The following CENPE variants were observed in gnomAD, a reference collection of about 807,000 sequenced individuals.
The protein encoded by CENPE is centromere-associated protein E.
In CENPE, 145 loss-of-function variants were observed where a neutral mutation model predicts 336.1. The ratio of observed to expected loss-of-function variants is 0.43; its 90% CI spans 0.38 to 0.50. The LOEUF (loss-of-function observed/expected upper bound fraction) is 0.50, where lower values mean the gene tolerates loss of function less well. Ranked by LOEUF, CENPE falls within the 20% of genes least tolerant of loss-of-function variation. The probability of loss-of-function intolerance (pLI) is 0.00; values close to 1 mark genes in which losing one functional copy is unlikely to be tolerated. For synonymous variants in CENPE, 1,013 were observed against 984.8 expected (o/e 1.03, Z -0.54); for missense variants, 2,719 against 3,023.3 (o/e 0.90, Z 2.36).
At chr4:103,134,635 CAAAAA>C (rs36085712) in intron 40 of CENPE, among the ~76,000 whole-genome samples, 2 of 64,768 alleles carry the variant, frequency 3.1e-5, no homozygotes, top group Non-Finnish European at 5.8e-5. Flanking sequence ...GACTCCGTCT[CAAAAA>C]AAAAAAAAAA....
At chr4:103,135,381 TTC>T (rs561959057) in intron 40 of CENPE, among the ~76,000 whole-genome samples, 114 of 152,290 alleles carry the variant, frequency 7.5e-4, no homozygotes, top group African/African-American at 2.3e-3. Flanking sequence ...TCTACCTTGT[TTC>T]TCTTTCTTTT....
chr4:103,159,788 C>A (rs1754281950), intron 21 of CENPE, among the ~76,000 whole-genome samples: 1 of 150,472 alleles, frequency 6.6e-6, no homozygotes, highest in Admixed American at 6.6e-5. Context: ...TGGTATGGTC[C>A]ATGAAAAAAA....
At chr4:103,138,572 C>T (rs1560616283) in intron 38 of CENPE, 123 bp from the exon 39 acceptor site, 2 of 682,132 alleles carry the variant, frequency 2.9e-6, no homozygotes, top group Non-Finnish European at 5.1e-6. Flanking sequence ...ATACTTGTCA[C>T]TCAAAAGCAA....
intron 9 of CENPE, among the ~76,000 whole-genome samples, chr4:103,185,384 T>C (rs1003194066): frequency 2.8e-4 from 43 of 152,096 alleles, no homozygotes; most frequent in South Asian, 6.2e-4. Context: ...ATATCACATC[T>C]TTTAGGTTAT....
chr4:103,157,998 C>T (rs1754099285), intron 24 of CENPE, among the ~76,000 whole-genome samples: 2 of 151,830 alleles, frequency 1.3e-5, no homozygotes, highest in African/African-American at 4.8e-5. Context: ...AGGCAATCCC[C>T]TCTGCAATGG....
intron 42 of CENPE, among the ~76,000 whole-genome samples, chr4:103,128,945 A>G (rs1239060909): frequency 3.3e-5 from 5 of 152,166 alleles, no homozygotes; most frequent in African/African-American, 9.6e-5. Flanking sequence ...GAAAAGATCA[A>G]TAAAGTTAAT....
intron 30 of CENPE, 41 bp downstream of exon 30, chr4:103,145,788 A>G: frequency 1.9e-6 from 3 of 1,550,356 alleles, no homozygotes; most frequent in Non-Finnish European, 2.6e-6. Flanking sequence ...ATATTTGGTT[A>G]CAAAATATTT....
chr4:103,189,304 A>G (rs1757087022), intron 8 of CENPE, among the ~76,000 whole-genome samples: 1 of 152,204 alleles, frequency 6.6e-6, no homozygotes, highest in Admixed American at 6.5e-5. Context: ...GGCCAGCATC[A>G]TCCTGAAACC....
chr4:103,129,313 C>T (rs1417640651), intron 42 of CENPE, among the ~76,000 whole-genome samples: 1 of 152,098 alleles, frequency 6.6e-6, no homozygotes, highest in Non-Finnish European at 1.5e-5. Flanking sequence ...AAACTATACC[C>T]ATTCTCTACA....
chr4:103,115,783 T>C (rs1420174280), intron 45 of CENPE, among the ~76,000 whole-genome samples: 1 of 149,470 alleles, frequency 6.7e-6, no homozygotes, highest in East Asian at 2.0e-4. Context: ...CAGGCTGGAG[T>C]GCAGTGGTGC....
At position 103,145,294 on chromosome 4, in the gene CENPE, T is replaced by A; in HGVS notation, c.4613A>T (p.Lys1538Ile). ...IYEKEEQFNIKQISEVQEKVN... is the reference protein window; with the variant it reads ...IYEKEEQFNIIQISEVQEKVN... Reference sequence around the variant, plus strand: ...TTTTTCCTGAACCTCACTAATTTGTTTTATATTAAATTGTTCCTCTTTCTC... The same window carrying A: ...TTTTTCCTGAACCTCACTAATTTGTATTATATTAAATTGTTCCTCTTTCTC... The change falls in exon 32 of 49, where the codon AAA becomes ATA. Residue 1538 changes from lysine (K) to isoleucine (I), a missense_variant. Lys to Ile is a moderately radical substitution (Grantham distance 102). This residue lies in a region of CENPE where 2,437 missense variants were observed against 2,513.3 expected (regional missense o/e 0.97). Coordinates refer to ENST00000265148, the MANE Select transcript of CENPE (RefSeq NM_001813.3). The A allele has an allele frequency of 6.3e-7, 1 of 1,596,610 alleles. No homozygotes were observed. The highest frequency in any genetic ancestry group is 2.2e-5 in the East Asian group (1 of 44,762).
At chr4:103,195,267 A>G in intron 4 of CENPE, 34 bp from the exon 5 acceptor site, 1 of 1,551,370 alleles carries the variant, frequency 6.4e-7, no homozygotes, top group Non-Finnish European at 8.6e-7. Context: ...AAACACCAGG[A>G]AGCATCCAAT....
intron 8 of CENPE, among the ~76,000 whole-genome samples, chr4:103,193,678 A>C (rs1368835917): frequency 6.6e-6 from 1 of 152,170 alleles, no homozygotes; most frequent in Non-Finnish European, 1.5e-5. Flanking sequence ...TAGACATAAA[A>C]TAGGTATAAT....
Position 103,108,791 on chromosome 4 carries a change from A to G in CENPE, c.8011+12T>C. On this transcript the variant is annotated intron_variant, in intron 48 of 48. Transcript: ENST00000265148. ...ACCCTCTGATTTCCAAGTAACCAGT[A>G]TATTTACTTACCTGGACAAAGGCCT... 1.2e-6 allele frequency: 2 copies of G among 1,608,286 alleles called. No homozygotes were observed. Among genetic ancestry groups the G allele is most frequent in the Non-Finnish European group, 1.7e-6 (2 of 1,176,718 alleles).
intron 42 of CENPE, among the ~76,000 whole-genome samples, chr4:103,130,910 C>CA (rs1553926179): frequency 0.26 from 24,749 of 94,034 alleles, 2,291 homozygotes; most frequent in Middle Eastern, 0.43. Flanking sequence ...CTTCTACAAG[C>CA]GAAAAAAAAA....
At chr4:103,130,106 G>C (rs1751455840) in intron 42 of CENPE, among the ~76,000 whole-genome samples, 1 of 152,166 alleles carries the variant, frequency 6.6e-6, no homozygotes, top group African/African-American at 2.4e-5. Flanking sequence ...TCAGAAACAA[G>C]GCAAGGATGT....
intron 10 of CENPE, 52 bp from the exon 11 acceptor site, chr4:103,182,943 T>G: frequency 2.6e-6 from 4 of 1,557,356 alleles, no homozygotes; most frequent in Non-Finnish European, 3.5e-6. Context: ...GTTTATATAA[T>G]AAAGTAGTTG....
intron 42 of CENPE, among the ~76,000 whole-genome samples, chr4:103,129,502 G>A (rs767927317): frequency 5.9e-5 from 9 of 152,150 alleles, no homozygotes; most frequent in Non-Finnish European, 1.3e-4. Flanking sequence ...ACTTTGGGAG[G>A]CCGAGGTGGG....
intron 38 of CENPE, among the ~76,000 whole-genome samples, chr4:103,138,672 T>C (rs1320951935): frequency 6.6e-6 from 1 of 152,112 alleles, no homozygotes; most frequent in Non-Finnish European, 1.5e-5. Context: ...AAAAATCATC[T>C]AATTTTTGGA....
Sources: allele counts gnomAD v4.1 joint callset (sites outside exome capture counted in the v4.1 genomes callset), GRCh38; gene constraint gnomAD v4.1.1; regional missense constraint gnomAD v4.1.1; transcripts MANE v1.5; gene names NCBI Gene and HGNC (gene_info 2026-07-23, HGNC 2026-07-21).